INPP4B: variants seen among roughly 807,000 people sequenced by gnomAD.
The protein encoded by INPP4B is inositol polyphosphate 4-phosphatase type II.
Under a neutral mutation model 122.5 loss-of-function variants are expected in INPP4B, and 55 were observed. The ratio of observed to expected loss-of-function variants is 0.45; its 90% confidence interval spans 0.36 to 0.56. The LOEUF is 0.56. Ranked by LOEUF, INPP4B falls within the 20% of genes least tolerant of loss-of-function variation. INPP4B has a pLI of 0.00. For synonymous variants in INPP4B, 403 were observed against 388.7 expected, an observed-to-expected ratio of 1.04 and a Z score of -0.43; for missense variants, 1,000 against 1,097.7, an observed-to-expected ratio of 0.91 and a Z score of 1.26.
chr4:142,489,145 CA>C (rs1185418350), intron 2 of INPP4B, among the ~76,000 whole-genome samples: 1 of 152,020 alleles, frequency 6.6e-6, no homozygotes, highest in Non-Finnish European at 1.5e-5. Context: ...ACTTAATTTC[CA>C]AATATTTGAT....
chr4:142,319,721 C>G (rs575918117), intron 7 of INPP4B, among the ~76,000 whole-genome samples: 3 of 152,204 alleles, frequency 2.0e-5, no homozygotes, highest in Non-Finnish European at 4.4e-5. Flanking sequence ...CCAGTCTTTA[C>G]GTGGTGGCTG....
In INPP4B at chr4:142,162,326, C is replaced by A. The variant is rs72718493; in HGVS notation, c.1360-1765G>T. On this transcript the variant is annotated intron_variant, in intron 16 of 25. Coordinates refer to ENST00000262992, the MANE Select transcript of INPP4B (RefSeq NM_001101669.3). ...AATGAGAATGAAAGATATAAAAAAA[C>A]TGATGGAAAAATTGGCTAGACAGTA... Among the ~76,000 whole-genome samples the A allele has an allele frequency of 3.1e-3, 463 of 150,856 alleles. 2 individuals carry two copies. Among genetic ancestry groups the A allele is most frequent in the Non-Finnish European group, 5.8e-3 (394 of 67,640 alleles).
At chr4:142,574,860 CGTT>C (rs952698255) in intron 2 of INPP4B, among the ~76,000 whole-genome samples, 3 of 152,040 alleles carry the variant, frequency 2.0e-5, no homozygotes, top group African/African-American at 7.2e-5. Flanking sequence ...AGGTAACACT[CGTT>C]GTGACCCACT....
intron 1 of INPP4B, among the ~76,000 whole-genome samples, chr4:142,736,950 C>G (rs367878847): frequency 6.6e-6 from 1 of 151,476 alleles, no homozygotes; most frequent in East Asian, 1.9e-4. Flanking sequence ...ATAGATAGCT[C>G]GAAATAAAAG....
intron 5 of INPP4B, among the ~76,000 whole-genome samples, chr4:142,419,104 T>C (rs1259846508): frequency 2.0e-5 from 3 of 152,078 alleles, no homozygotes; most frequent in Non-Finnish European, 4.4e-5. Flanking sequence ...AAGTGGATGG[T>C]GGTGTGCTTT....
At chr4:142,186,704 A>G (rs1833345053) in intron 15 of INPP4B, among the ~76,000 whole-genome samples, 1 of 152,202 alleles carries the variant, frequency 6.6e-6, no homozygotes, top group Non-Finnish European at 1.5e-5. Context: ...CCATAAACAA[A>G]TTTTGTTTTT....
intron 9 of INPP4B, among the ~76,000 whole-genome samples, chr4:142,288,266 T>A (rs1283554385): frequency 6.6e-6 from 1 of 152,218 alleles, no homozygotes; most frequent in Non-Finnish European, 1.5e-5. Flanking sequence ...TATTTGTAAA[T>A]CTCTAGAAAT....
chr4:142,507,804 T>C (rs890127187), intron 2 of INPP4B, among the ~76,000 whole-genome samples: 1 of 152,098 alleles, frequency 6.6e-6, no homozygotes, highest in South Asian at 2.1e-4. Context: ...GACCCCTCCA[T>C]AGACTTTCTT....
At chr4:142,787,050 T>C (rs1292779985) in intron 1 of INPP4B, among the ~76,000 whole-genome samples, 4 of 152,146 alleles carry the variant, frequency 2.6e-5, no homozygotes, top group Non-Finnish European at 5.9e-5. Flanking sequence ...TTATATCAAA[T>C]GTTAAAAATA....
chr4:142,402,885 G>C, intron 7 of INPP4B, 53 bp downstream of exon 7: 2 of 900,114 alleles, frequency 2.2e-6, no homozygotes, highest in South Asian at 1.3e-5. Flanking sequence ...AAATCCAATC[G>C]TGTGGAAAAG....
intron 11 of INPP4B, among the ~76,000 whole-genome samples, chr4:142,248,280 C>T (rs1561610753): frequency 1.3e-5 from 2 of 151,312 alleles, no homozygotes; most frequent in South Asian, 2.1e-4. Flanking sequence ...GAAAAGCACC[C>T]GTTCCTCCCC....
chr4:142,449,081 A>G (rs1459260488), intron 3 of INPP4B, among the ~76,000 whole-genome samples: 3 of 152,166 alleles, frequency 2.0e-5, no homozygotes, highest in African/African-American at 7.2e-5. Flanking sequence ...TGCTAGCAAT[A>G]TTAAATTCAG....
intron 5 of INPP4B, among the ~76,000 whole-genome samples, chr4:142,420,322 A>C (rs1436128771): frequency 6.6e-6 from 1 of 152,100 alleles, no homozygotes; most frequent in Non-Finnish European, 1.5e-5. Context: ...TAGTCCTGGC[A>C]AGGAGAAGTG....
intron 1 of INPP4B, among the ~76,000 whole-genome samples, chr4:142,769,515 A>T (rs1049921898): frequency 3.3e-5 from 5 of 152,212 alleles, no homozygotes; most frequent in Non-Finnish European, 7.3e-5. Flanking sequence ...ACCATGGCAC[A>T]TGGGTGTTTA....
chr4:142,688,073 C>A (rs936772198), intron 2 of INPP4B, among the ~76,000 whole-genome samples: 4 of 152,060 alleles, frequency 2.6e-5, no homozygotes, highest in African/African-American at 9.7e-5. Flanking sequence ...AGATAGATAC[C>A]AAAGCTGTAC....
intron 3 of INPP4B, among the ~76,000 whole-genome samples, chr4:142,435,895 G>C (rs190234309): frequency 5.9e-5 from 9 of 152,254 alleles, no homozygotes; most frequent in Admixed American, 2.6e-4. Context: ...CAGGTTTCTG[G>C]GGGGAGGGGC....
intron 1 of INPP4B, among the ~76,000 whole-genome samples, chr4:142,838,964 G>C (rs760119157): frequency 2.8e-4 from 43 of 152,202 alleles, no homozygotes; most frequent in Non-Finnish European, 5.4e-4. Flanking sequence ...ATGAGGGTGT[G>C]GCTGCCAGGC....
chr4:142,737,973 G>T (rs149502168), intron 1 of INPP4B, among the ~76,000 whole-genome samples: 5,478 of 152,310 alleles, frequency 0.036, 116 homozygotes, highest in African/African-American at 0.044. Flanking sequence ...GTGCTGGAGA[G>T]GATATGGAGA....
chr4:142,390,571 A>G (rs1797343252), intron 7 of INPP4B, among the ~76,000 whole-genome samples: 1 of 152,228 alleles, frequency 6.6e-6, no homozygotes, highest in African/African-American at 2.4e-5. Context: ...AAACATTCAA[A>G]AGAGAGGTAA....
Sources: allele counts gnomAD v4.1 joint callset (sites outside exome capture counted in the v4.1 genomes callset), GRCh38; gene constraint gnomAD v4.1.1; transcripts MANE v1.5; gene names NCBI Gene and HGNC (gene_info 2026-07-23, HGNC 2026-07-21).